CAMSAP1: variants seen among roughly 807,000 people sequenced by gnomAD.
The protein encoded by CAMSAP1 is calmodulin regulated spectrin associated protein 1.
CAMSAP1 carries 58 observed loss-of-function variants against 143.5 expected under a neutral mutation model. That is an observed-to-expected ratio of 0.40 (90% CI 0.33 to 0.50). The LOEUF (loss-of-function observed/expected upper bound fraction) is 0.50, where lower values mean the gene tolerates loss of function less well. Among genes scored for constraint, CAMSAP1 ranks in the 20% least tolerant of loss-of-function variants. CAMSAP1 has a pLI of 0.45. For missense variants in CAMSAP1, 1,969 were observed against 2,115.7 expected (o/e 0.93, Z 1.36); for synonymous variants, 945 against 859.3 (o/e 1.10, Z -1.74).
At chr9:135,896,295 G>C (rs1838449727) in intron 1 of CAMSAP1, among the ~76,000 whole-genome samples, 1 of 151,910 alleles carries the variant, frequency 6.6e-6, no homozygotes, top group Non-Finnish European at 1.5e-5. Context: ...GAGGCAAAAA[G>C]GGACATTACA....
In CAMSAP1 at chr9:135,822,349, G is replaced by A. The variant is rs1171645044; in HGVS notation, c.2312C>T (p.Ala771Val). Residue 771 changes from alanine (A) to valine (V), a missense_variant, in exon 11 of 17, where the codon GCC (alanine) becomes GTC (valine). Ala to Val is a moderately conservative substitution (Grantham distance 64). Coordinates refer to ENST00000389532, the MANE Select transcript of CAMSAP1 (RefSeq NM_015447.4). This position sits in a 1 kb window ranked among gnomAD's most constrained non-coding sequence, Gnocchi z 6.1. ...FSRYIGEEES[A>V]KLQEDMKVKE... ...CACCTTCATGTCCTCCTGCAGTTTG[G>A]CCGACTCTTCCTCCCCAATGTATCT... The A allele has an allele frequency of 1.7e-5, 28 of 1,613,820 alleles. No individual in the cohort carries two copies. The highest frequency in any genetic ancestry group is 2.3e-5 in the Non-Finnish European group (27 of 1,179,902).
chr9:135,862,163 C>T (rs1048391970), intron 5 of CAMSAP1, among the ~76,000 whole-genome samples: 4 of 151,808 alleles, frequency 2.6e-5, no homozygotes, highest in Admixed American at 2.6e-4. Flanking sequence ...TCCACCACCC[C>T]CCGCCCACCC....
chr9:135,906,168 C>A (rs1181512014), intron 1 of CAMSAP1, among the ~76,000 whole-genome samples: 5 of 152,250 alleles, frequency 3.3e-5, no homozygotes, highest in Non-Finnish European at 4.4e-5. Flanking sequence ...GTTTTCCAAA[C>A]TGGTCAACTG....
intron 3 of CAMSAP1, among the ~76,000 whole-genome samples, chr9:135,871,551 A>C (rs540571453): frequency 6.6e-6 from 1 of 152,178 alleles, no homozygotes; most frequent in South Asian, 2.1e-4. Flanking sequence ...CATGAAATCA[A>C]CTTACTGTTA....
At chr9:135,843,873 C>CAAAA (rs150201026) in intron 7 of CAMSAP1, among the ~76,000 whole-genome samples, 87 of 63,804 alleles carry the variant, frequency 1.4e-3, no homozygotes, top group African/African-American at 3.4e-3. Context: ...GACTCCGTCT[C>CAAAA]AAAAAAAAAA....
intron 7 of CAMSAP1, among the ~76,000 whole-genome samples, chr9:135,849,025 T>C (rs187150300): frequency 2.6e-5 from 4 of 152,358 alleles, no homozygotes; most frequent in Non-Finnish European, 4.4e-5. Flanking sequence ...GCCACAAATA[T>C]ATCTGGAGGA....
chr9:135,811,727 G>A lies in CAMSAP1; in HGVS notation c.4507-116C>T, dbSNP rs182993274. The A allele has an allele frequency of 1.4e-3, 1,271 of 923,714 alleles. 4 individuals are homozygous for A. Among genetic ancestry groups the A allele is most frequent in the Middle Eastern group, 6.9e-3 (21 of 3,052 alleles). 57.2% of individuals were successfully genotyped at this position (923,714 alleles called of 1,614,324 possible). A position where few individuals can be genotyped will look rare whatever the true frequency, so the allele number is the denominator to read the frequency against. On this transcript the variant is annotated intron_variant, in intron 16 of 16. Transcript: ENST00000389532. This position sits in a 1 kb window ranked among gnomAD's most constrained non-coding sequence, Gnocchi z 4.9. ...CGCTCCGTGGGAAGCTCTCCCACCC[G>A]TCAGCTACGGCCTGCCTGTTGTAAA...
chr9:135,861,542 T>G (rs567221035), intron 5 of CAMSAP1, among the ~76,000 whole-genome samples: 1 of 152,322 alleles, frequency 6.6e-6, no homozygotes, highest in South Asian at 2.1e-4. Flanking sequence ...TAACCTCAGG[T>G]GATCTACCGC....
rs1194875449 is a variant in CAMSAP1 at position 135,820,171 on chromosome 9, T to G, written c.3822+668A>C. 6.6e-6 allele frequency among the ~76,000 whole-genome samples: 1 copy of G among 152,172 alleles called. No individual in the cohort carries two copies. Among genetic ancestry groups the G allele is most frequent in the Non-Finnish European group, 1.5e-5 (1 of 68,038 alleles). On this transcript the variant is annotated intron_variant, in intron 11 of 16. Coordinates refer to ENST00000389532, the MANE Select transcript of CAMSAP1 (RefSeq NM_015447.4). This position sits in a 1 kb window ranked among gnomAD's most constrained non-coding sequence, Gnocchi z 4.4. ...TAGACTACAGACCTGCACAGCACAT[T>G]ACTGTACCCAATACTGTAAGTAACT...
intron 5 of CAMSAP1, among the ~76,000 whole-genome samples, chr9:135,853,869 C>A (rs1010284483): frequency 2.6e-5 from 4 of 152,276 alleles, no homozygotes; most frequent in African/African-American, 9.6e-5. Context: ...CCAATCAAGT[C>A]CCTATGAGGC....
chr9:135,884,772 G>A (rs1221768234), intron 1 of CAMSAP1, among the ~76,000 whole-genome samples: 1 of 152,178 alleles, frequency 6.6e-6, no homozygotes, highest in Non-Finnish European at 1.5e-5. Flanking sequence ...AACTGCTCAA[G>A]GAAAGCTGAC....
In CAMSAP1 at chr9:135,827,394, AAGAC is replaced by A; in HGVS notation, c.1223+9_1223+12del. 1 of 1,486,420 alleles carries A rather than the reference AAGAC, an allele frequency of 6.7e-7. No individual in the cohort carries two copies. Among genetic ancestry groups the A allele is most frequent in the East Asian group, 2.4e-5 (1 of 42,316 alleles). 92.1% of individuals were successfully genotyped at this position (1,486,420 alleles called of 1,614,324 possible). On this transcript the variant is annotated intron_variant, in intron 8 of 16. Coordinates refer to ENST00000389532, the MANE Select transcript of CAMSAP1 (RefSeq NM_015447.4). ...ATGGTGAACTGATTCTGAAAGCAGA[AAGAC>A]AGACTTACAGGTATTCAGGTTCTTC... is the stretch of plus-strand genomic sequence containing the variant.
chr9:135,891,757 G>C (rs1838297431), intron 1 of CAMSAP1, among the ~76,000 whole-genome samples: 1 of 152,174 alleles, frequency 6.6e-6, no homozygotes, highest in Admixed American at 6.5e-5. Context: ...CCAGATGTTA[G>C]TTATCAAAGA....
At chr9:135,842,729 T>A (rs867945335) in intron 7 of CAMSAP1, among the ~76,000 whole-genome samples, 6 of 152,178 alleles carry the variant, frequency 3.9e-5, no homozygotes, top group Middle Eastern at 3.2e-3. Context: ...GAATTTCATA[T>A]CCAGCCAAAC....
At chr9:135,831,940 T>G (rs570567017) in intron 7 of CAMSAP1, among the ~76,000 whole-genome samples, 27 of 152,256 alleles carry the variant, frequency 1.8e-4, no homozygotes, top group Admixed American at 3.9e-4. Context: ...ATAAAGAGAT[T>G]GAAGCAGTAA....
intron 7 of CAMSAP1, among the ~76,000 whole-genome samples, chr9:135,846,603 G>A (rs1202302540): frequency 6.7e-6 from 1 of 150,150 alleles, no homozygotes; most frequent in South Asian, 2.1e-4. Context: ...ACCTACAGAA[G>A]GGAAGAAAAT....
chr9:135,904,951 C>T (rs541970486), intron 1 of CAMSAP1, among the ~76,000 whole-genome samples: 1 of 149,120 alleles, frequency 6.7e-6, no homozygotes, highest in Non-Finnish European at 1.5e-5. Context: ...GACGATAGAG[C>T]GAGACTCCGT....
chr9:135,857,814 C>T (rs1319236258), intron 5 of CAMSAP1, among the ~76,000 whole-genome samples: 1 of 152,148 alleles, frequency 6.6e-6, no homozygotes, highest in African/African-American at 2.4e-5. Context: ...CAGGGTGCAC[C>T]AGGAGGAGAA....
At chr9:135,815,644 C>T (rs975564165) in intron 15 of CAMSAP1, among the ~76,000 whole-genome samples, 2 of 152,218 alleles carry the variant, frequency 1.3e-5, no homozygotes, top group African/African-American at 4.8e-5. Flanking sequence ...GCCCCCAGGT[C>T]CGCTGCCCCC....
Sources: gnomAD v4.1 joint callset for allele counts (sites outside exome capture counted in the v4.1 genomes callset) on GRCh38, gnomAD v4.1.1 for gene constraint, Gnocchi (gnomAD v3.1) non-coding constraint, MANE v1.5 for transcripts, NCBI Gene and HGNC (gene_info 2026-07-23, HGNC 2026-07-21) for gene names.